PTPRE: variants seen among roughly 807,000 people sequenced by gnomAD.
PTPRE encodes protein tyrosine phosphatase receptor type E, also known as receptor-type tyrosine-protein phosphatase epsilon.
In PTPRE, 51 loss-of-function variants were observed where a neutral mutation model predicts 102.0. That is an observed-to-expected ratio of 0.50 (90% CI 0.40 to 0.63). The LOEUF (loss-of-function observed/expected upper bound fraction) is 0.63, where lower values mean the gene tolerates loss of function less well. PTPRE is among the 30% of genes least tolerant of loss of function. The pLI, the probability that PTPRE is intolerant of heterozygous loss-of-function variation, is 0.00. For synonymous variants in PTPRE, 345 were observed against 348.2 expected (o/e 0.99, Z 0.10); for missense variants, 752 against 915.1 (o/e 0.82, Z 2.30).
At chr10:128,061,978 A>G (rs1849633943) in intron 9 of PTPRE, among the ~76,000 whole-genome samples, 1 of 151,426 alleles carries the variant, frequency 6.6e-6, no homozygotes, top group South Asian at 2.1e-4. Flanking sequence ...GCGTCAGATA[A>G]CCTTGAATTT....
In PTPRE at chr10:128,069,685, C is replaced by A; in HGVS notation, c.1008-7C>A. 1 of 1,614,086 alleles carries A rather than the reference C, an allele frequency of 6.2e-7. No individual in the cohort carries two copies. Among genetic ancestry groups the A allele is most frequent in the Non-Finnish European group, 8.5e-7 (1 of 1,179,988 alleles). ...TCACGACGCAGCATCTTTCTCTTTC[C>A]CCAAAGCGCGGGCGTGGGCCGGACG... On this transcript the variant is annotated splice_polypyrimidine_tract_variant and splice_region_variant and intron_variant, in intron 12 of 20. Coordinates refer to ENST00000254667, the MANE Select transcript of PTPRE (RefSeq NM_006504.6).
chr10:127,957,804 G>T (rs530952266), intron 1 of PTPRE, among the ~76,000 whole-genome samples: 1 of 152,304 alleles, frequency 6.6e-6, no homozygotes, highest in African/African-American at 2.4e-5. Context: ...CTGACATCCT[G>T]ACAGTTTTAA....
chr10:127,920,613 G>C (rs565003286), intron 1 of PTPRE, among the ~76,000 whole-genome samples: 4 of 152,162 alleles, frequency 2.6e-5, no homozygotes, highest in African/African-American at 4.8e-5. Flanking sequence ...GGACTTCCCT[G>C]GTCTCTCCAG....
At chr10:127,958,122 A>G (rs1012096914) in intron 1 of PTPRE, among the ~76,000 whole-genome samples, 14 of 152,170 alleles carry the variant, frequency 9.2e-5, no homozygotes, top group African/African-American at 3.4e-4. Flanking sequence ...TGTTACATAG[A>G]TAATCATGTA....
chr10:127,982,453 G>T (rs1851710760), intron 2 of PTPRE, among the ~76,000 whole-genome samples, 157 bp downstream of exon 2: 1 of 151,818 alleles, frequency 6.6e-6, no homozygotes, highest in South Asian at 2.1e-4. Flanking sequence ...CCTTGCTTGA[G>T]CAGGCTCATA....
In PTPRE at chr10:128,083,294, TC is replaced by T. The variant is rs11342952; in HGVS notation, c.*389del. On this transcript the variant is annotated 3_prime_UTR_variant, in exon 21 of 21. Transcript: ENST00000254667. ...AACAGTTGAGGACTCAGAAGTCAGTTCGAAAATGCACTTTCCTAACAGTGAA... is the reference window on the plus strand; with the variant it reads ...AACAGTTGAGGACTCAGAAGTCAGTTGAAAATGCACTTTCCTAACAGTGAA... The T allele has an allele frequency of 0.54, 85,672 of 157,584 alleles. 23,523 individuals carry two copies. The highest frequency in any genetic ancestry group is 0.62 in the Admixed American group (9,483 of 15,326). 9.8% of individuals were successfully genotyped at this position (157,584 alleles called of 1,614,324 possible).
chr10:128,081,878 G>A (rs562419982), intron 20 of PTPRE, among the ~76,000 whole-genome samples: 2 of 152,286 alleles, frequency 1.3e-5, no homozygotes, highest in Admixed American at 6.5e-5. Flanking sequence ...CTAGCTGTTT[G>A]GCATCTTTCC....
intron 2 of PTPRE, among the ~76,000 whole-genome samples, chr10:127,992,338 T>G (rs1201227786): frequency 6.6e-6 from 1 of 152,142 alleles, no homozygotes; most frequent in African/African-American, 2.4e-5. Context: ...AGCTGCTCAG[T>G]GGAGTCACCT....
intron 1 of PTPRE, among the ~76,000 whole-genome samples, chr10:127,966,258 G>T (rs1370371064): frequency 6.6e-6 from 1 of 152,198 alleles, no homozygotes; most frequent in African/African-American, 2.4e-5. Context: ...CTCAGCAGGT[G>T]TGTGGAGCCC....
At chr10:127,966,614 G>A (rs1170476996) in intron 1 of PTPRE, among the ~76,000 whole-genome samples, 1 of 152,134 alleles carries the variant, frequency 6.6e-6, no homozygotes, top group Non-Finnish European at 1.5e-5. Context: ...GGATGGTCCT[G>A]GGCAAAGCAA....
chr10:127,984,308 C>G (rs575004065), intron 2 of PTPRE, among the ~76,000 whole-genome samples: 7 of 151,976 alleles, frequency 4.6e-5, no homozygotes, highest in South Asian at 2.1e-4. Context: ...CTCGAACTCC[C>G]GACCTCAGGT....
intron 1 of PTPRE, among the ~76,000 whole-genome samples, chr10:127,959,867 C>T (rs1279856507): frequency 6.6e-6 from 1 of 152,188 alleles, no homozygotes; most frequent in Non-Finnish European, 1.5e-5. Context: ...AAGCTTCTAG[C>T]ACAGTGCTTG....
At chr10:128,042,757 T>A (rs923861252) in intron 3 of PTPRE, among the ~76,000 whole-genome samples, 1 of 152,192 alleles carries the variant, frequency 6.6e-6, no homozygotes. Flanking sequence ...CAAAATATAT[T>A]CAGTACTCAT....
intron 2 of PTPRE, among the ~76,000 whole-genome samples, chr10:128,010,550 T>TCTTTTCTTTC (rs1267802260): frequency 3.9e-5 from 5 of 128,882 alleles, no homozygotes; most frequent in Admixed American, 1.5e-4. Flanking sequence ...CTGTTCCTTT[T>TCTTTTCTTTC]CTTTTCTTTT....
rs562212113 is a variant in PTPRE, at chr10:127,979,223, G to A, written c.-30-3051G>A. ...ACAACAGGAAGCTTTCCCATGAGTG[G>A]AAGGATGTTGTGTCAGCTTCTCACT... On this transcript the variant is annotated intron_variant, in intron 1 of 20. Coordinates refer to ENST00000254667, the MANE Select transcript of PTPRE (RefSeq NM_006504.6). 1.3e-4 allele frequency among the ~76,000 whole-genome samples: 20 copies of A among 152,158 alleles called. No individual in the cohort carries two copies. The East Asian group carries it at 2.7e-3, about 21-fold the overall frequency.
chr10:128,063,293 T>G (rs1271127441), intron 10 of PTPRE, 113 bp downstream of exon 10: 2 of 1,492,396 alleles, frequency 1.3e-6, no homozygotes, highest in South Asian at 1.3e-5. Context: ...CCACTATCAC[T>G]GCAGAAAAAA....
At chr10:128,014,472 G>A (rs747727022) in intron 2 of PTPRE, among the ~76,000 whole-genome samples, 22 of 152,094 alleles carry the variant, frequency 1.4e-4, no homozygotes, top group Non-Finnish European at 2.5e-4. Context: ...GTTGGGCTGG[G>A]CCAAGCTTTT....
chr10:127,927,215 C>A (rs1847095492), intron 1 of PTPRE, among the ~76,000 whole-genome samples: 1 of 152,134 alleles, frequency 6.6e-6, no homozygotes, highest in Admixed American at 6.5e-5. Context: ...GGTTCTCGCT[C>A]ACCATTAGGG....
chr10:128,027,985 G>A (rs1424459881), intron 2 of PTPRE, among the ~76,000 whole-genome samples: 1 of 152,184 alleles, frequency 6.6e-6, no homozygotes, highest in Non-Finnish European at 1.5e-5. Context: ...CCAGCACGCC[G>A]AGGGTCTCCA....
Sources: allele counts gnomAD v4.1 joint callset (sites outside exome capture counted in the v4.1 genomes callset), GRCh38; gene constraint gnomAD v4.1.1; transcripts MANE v1.5; gene names NCBI Gene and HGNC (gene_info 2026-07-23, HGNC 2026-07-21).